APC2: variants seen among roughly 807,000 people sequenced by gnomAD.
The protein encoded by APC2 is adenomatous polyposis coli protein 2.
Under a neutral mutation model 72.5 loss-of-function variants are expected in APC2, and 41 were observed. That is an observed-to-expected ratio of 0.57 (90% CI 0.44 to 0.73). The LOEUF (loss-of-function observed/expected upper bound fraction) is 0.73. APC2 is among the 30% of genes least tolerant of loss of function. APC2 has a pLI of 0.00. For synonymous variants in APC2, 1,898 were observed against 1,612.0 expected, an observed-to-expected ratio of 1.18 and a Z score of -4.25; for missense variants, 3,729 against 3,403.4, an observed-to-expected ratio of 1.10 and a Z score of -2.38.
chr19:1,462,970 TAAA>T (rs542373416), intron 14 of APC2, among the ~76,000 whole-genome samples: 1 of 118,166 alleles, frequency 8.5e-6, no homozygotes, highest in African/African-American at 2.9e-5. Flanking sequence ...GATTCCGTCT[TAAA>T]AAAAAAAAAA....
Position 1,466,378 on chromosome 19 carries a change from G to A in APC2, c.3077G>A (p.Arg1026Gln), listed in dbSNP as rs1158880317. The A allele has an allele frequency of 1.5e-5, 24 of 1,587,654 alleles. No individual in the cohort carries two copies. The highest frequency in any genetic ancestry group is 1.9e-5 in the Non-Finnish European group (22 of 1,171,710). Residue 1026 changes from arginine (R) to glutamine (Q), a missense_variant, in exon 15 of 15, where the codon CGG becomes CAG. Coordinates refer to ENST00000590469, the MANE Select transcript of APC2 (RefSeq NM_005883.3). Reference sequence around the variant, plus strand: ...GGGCCTGGAATCTCTCCAGGGGCCCGGAAGCAGGCCTGGCTGCCGGCAGAC... The same window carrying A: ...GGGCCTGGAATCTCTCCAGGGGCCCAGAAGCAGGCCTGGCTGCCGGCAGAC... ...LAGPGISPGA[R>Q]KQAWLPADHL...
chr19:1,471,500 G>A lies in APC2; in HGVS notation c.*1287G>A, dbSNP rs1394375547. 1 of 152,274 alleles carries A rather than the reference G, an allele frequency of 6.6e-6. No individual in the cohort carries two copies. The highest frequency in any genetic ancestry group is 2.4e-5 in the African/African-American group (1 of 41,464). The allele number at this position is 152,274 out of a possible 1,614,324, so 9.4% of individuals were successfully genotyped here. A position where few individuals can be genotyped will look rare whatever the true frequency, so the allele number is the denominator to read the frequency against. ...CTCATCCCCTGGCGGGGGAGGCTGG[G>A]AGCTGGGCCTCCTGCGTGGGGTGGG... On this transcript the variant is annotated 3_prime_UTR_variant, in exon 15 of 15. Coordinates refer to ENST00000590469, the MANE Select transcript of APC2 (RefSeq NM_005883.3).
chr19:1,456,461 AG>A (rs2083829068), intron 8 of APC2, 57 bp downstream of exon 8: 1 of 1,480,566 alleles, frequency 6.8e-7, no homozygotes, highest in Non-Finnish European at 9.1e-7. Context: ...AAGGGGGATC[AG>A]GTCTGCATCC....
In APC2 at chr19:1,468,333, G is replaced by A. The variant is rs765766274; in HGVS notation, c.5032G>A (p.Ala1678Thr). The change falls in exon 15 of 15, where the codon GCC (alanine) becomes ACC (threonine). Residue 1678 changes from alanine (A) to threonine (T), a missense_variant. Coordinates refer to ENST00000590469, the MANE Select transcript of APC2 (RefSeq NM_005883.3). Reference sequence around the variant, plus strand: ...CGAGGAGGCAGCGGGCTCGGACCGGGCCTCCGACCTGGATAGCGTGGAGTG... The same window carrying A: ...CGAGGAGGCAGCGGGCTCGGACCGGACCTCCGACCTGGATAGCGTGGAGTG... ...RGEEAAGSDR[A>T]SDLDSVEWRA... The A allele has an allele frequency of 6.4e-7, 1 of 1,558,802 alleles. No individual in the cohort carries two copies. The highest frequency in any genetic ancestry group is 8.7e-7 in the Non-Finnish European group (1 of 1,152,792).
chr19:1,467,741 C>A lies in APC2; in HGVS notation c.4440C>A (p.Asp1480Glu). 3 of 1,436,780 alleles carry A rather than the reference C, an allele frequency of 2.1e-6. No homozygotes were observed. Among genetic ancestry groups the A allele is most frequent in the East Asian group, 2.7e-5 (1 of 36,368 alleles). The allele number at this position is 1,436,780 out of a possible 1,614,324, so 89.0% of individuals were successfully genotyped here. A position where few individuals can be genotyped will look rare whatever the true frequency, so the allele number is the denominator to read the frequency against. Residue 1480 changes from aspartate to glutamate, a missense_variant, in exon 15 of 15, where the codon GAC becomes GAA. Physicochemically the swap from Asp to Glu is conservative, Grantham distance 45. Transcript: ENST00000590469. ...GRPPSAPADKDGSKPGRTRGD... is the reference protein window; with the variant it reads ...GRPPSAPADKEGSKPGRTRGD... ...CCCCGAGCGCCCCCGCAGACAAGGA[C>A]GGCTCAAAGCCCGGCCGGACCCGCG...
In APC2 at chr19:1,452,630, CTGTG is replaced by C. The variant is rs1458788489; in HGVS notation, c.-18-350_-18-347del. On this transcript the variant is annotated intron_variant, in intron 1 of 14. Coordinates refer to ENST00000590469, the MANE Select transcript of APC2 (RefSeq NM_005883.3). The surrounding 1 kb of genome is among the most constrained non-coding windows in gnomAD (Gnocchi z 5.1). ...TGCTGGGTTAGGCTGTCCCAGCTGT[CTGTG>C]TGTTTGTCCGGCTGTCAGGATGTGT... The C allele has an allele frequency of 8.8e-6, 2 of 228,516 alleles. No individual in the cohort carries two copies. The highest frequency in any genetic ancestry group is 4.6e-5 in the African/African-American group (2 of 43,888). The allele number at this position is 228,516 out of a possible 1,614,324, so 14.2% of individuals were successfully genotyped here. A position where few individuals can be genotyped will look rare whatever the true frequency, so the allele number is the denominator to read the frequency against.
In APC2 at chr19:1,466,732, C is replaced by A. The variant is rs763586238; in HGVS notation, c.3431C>A (p.Pro1144Gln). 6 of 1,540,102 alleles carry A rather than the reference C, an allele frequency of 3.9e-6. No individual in the cohort carries two copies. In the East Asian group the frequency reaches 1.5e-4, roughly 38 times the overall value. The change falls in exon 15 of 15, where the codon CCG becomes CAG. Residue 1144 changes from proline (P) to glutamine (Q), a missense_variant. Physicochemically the swap from Pro to Gln is moderately conservative, Grantham distance 76 (BLOSUM62 -1). Coordinates refer to ENST00000590469, the MANE Select transcript of APC2 (RefSeq NM_005883.3). ...GRGLGVEDATPSSSSENYVQE... is the reference protein window; with the variant it reads ...GRGLGVEDATQSSSSENYVQE... Reference sequence around the variant, plus strand: ...GGCCTGGGGGTGGAAGACGCCACGCCGTCCAGCTCGTCGGAGAACTACGTG... The same window carrying A: ...GGCCTGGGGGTGGAAGACGCCACGCAGTCCAGCTCGTCGGAGAACTACGTG...
Position 1,468,067 on chromosome 19 carries a change from C to A in APC2, c.4766C>A (p.Pro1589His). The A allele has an allele frequency of 6.4e-7, 1 of 1,567,968 alleles. No individual in the cohort carries two copies. Among genetic ancestry groups the A allele is most frequent in the Non-Finnish European group, 8.6e-7 (1 of 1,166,670 alleles). ...TCCTCCGCCAGCTCCCTCAGCGAGC[C>A]CGAGCCCTCGGAGCCGCCGGCCGTC... ...LSSSASSLSEPEPSEPPAVHP... is the reference protein window; with the variant it reads ...LSSSASSLSEHEPSEPPAVHP... Residue 1589 changes from proline to histidine, a missense_variant, in exon 15 of 15, where the codon CCC (proline) becomes CAC (histidine). Physicochemically the swap from Pro to His is moderately conservative, Grantham distance 77. Coordinates refer to ENST00000590469, the MANE Select transcript of APC2 (RefSeq NM_005883.3).
At chr19:1,453,761 C>G in intron 4 of APC2, 150 bp downstream of exon 4, 1 of 1,120,194 alleles carries the variant, frequency 8.9e-7, no homozygotes, top group Non-Finnish European at 1.2e-6. Context: ...ACCGAACAAC[C>G]CCGCCCACCT....
At position 1,462,119 on chromosome 19, in the gene APC2, A is replaced by AGCG; in HGVS notation, c.1804_1806dup (p.Gly602dup). The AGCG allele has an allele frequency of 6.2e-7, 1 of 1,612,536 alleles. No individual in the cohort carries two copies. Among genetic ancestry groups the AGCG allele is most frequent in the Non-Finnish European group, 8.5e-7 (1 of 1,179,932 alleles). On this transcript the variant is annotated inframe_insertion, in exon 14 of 15. Coordinates refer to ENST00000590469, the MANE Select transcript of APC2 (RefSeq NM_005883.3). Reference sequence around the variant, plus strand: ...GAGCAACTCGCTGGCCATCATCGAGAGCGGCGGCGGCATCCTCCGCAATGT... The same window carrying AGCG: ...GAGCAACTCGCTGGCCATCATCGAGAGCGGCGGCGGCGGCATCCTCCGCAATGT...
chr19:1,455,066 A>T, intron 4 of APC2, 83 bp from the exon 5 acceptor site: 1 of 807,852 alleles, frequency 1.2e-6, no homozygotes, highest in Non-Finnish European at 1.8e-6. Flanking sequence ...GCATACAGTA[A>T]GCGCTAACAA....
chr19:1,453,193 C>G (rs375278949), intron 2 of APC2, 51 bp downstream of exon 2: 833 of 1,567,356 alleles, frequency 5.3e-4, no homozygotes, highest in Non-Finnish European at 6.6e-4. Flanking sequence ...TGGTGCCCCC[C>G]GGCAGCCCAG....
chr19:1,466,731 CCGTCCAGCT>C lies in APC2; in HGVS notation c.3435_3443del (p.Ser1146_Ser1148del). ...GGGCCTGGGGGTGGAAGACGCCACGCCGTCCAGCTCGTCGGAGAACTACGTGCAGGAGAC... is the reference window on the plus strand; with the variant it reads ...GGGCCTGGGGGTGGAAGACGCCACGCCGTCGGAGAACTACGTGCAGGAGAC... On this transcript the variant is annotated inframe_deletion, in exon 15 of 15. Coordinates refer to ENST00000590469, the MANE Select transcript of APC2 (RefSeq NM_005883.3). 1 of 1,540,158 alleles carries C rather than the reference CCGTCCAGCT, an allele frequency of 6.5e-7. No individual in the cohort carries two copies.
rs1435349480 is a variant in APC2 at position 1,468,155 on chromosome 19, C to G, written c.4854C>G (p.Ser1618Arg). The G allele has an allele frequency of 2.0e-6, 3 of 1,465,526 alleles. No homozygotes were observed. The Admixed American group carries it at 7.6e-5, about 37-fold the overall frequency. 90.8% of individuals were successfully genotyped at this position (1,465,526 alleles called of 1,614,324 possible). A position where few individuals can be genotyped will look rare whatever the true frequency, so the allele number is the denominator to read the frequency against. ...KDPGPGGGRD[S>R]SPSPRAAEEL... ...CGGGCCCAGGAGGCGGACGCGACAGCTCGCCCAGCCCGCGGGCCGCGGAGG... is the reference window on the plus strand; with the variant it reads ...CGGGCCCAGGAGGCGGACGCGACAGGTCGCCCAGCCCGCGGGCCGCGGAGG... The change falls in exon 15 of 15, where the codon AGC becomes AGG. Residue 1618 changes from serine (S) to arginine (R), a missense_variant. Transcript: ENST00000590469.
chr19:1,469,568 C>T lies in APC2; in HGVS notation c.6267C>T (p.Pro2089=), dbSNP rs1217512675. The T allele has an allele frequency of 9.7e-6, 12 of 1,242,742 alleles. No homozygotes were observed. The highest frequency in any genetic ancestry group is 3.2e-4 in the Middle Eastern group (1 of 3,078). The allele number at this position is 1,242,742 out of a possible 1,614,324, so 77.0% of individuals were successfully genotyped here. A position where few individuals can be genotyped will look rare whatever the true frequency, so the allele number is the denominator to read the frequency against. Residue 2089 remains proline (P), a synonymous_variant, in exon 15 of 15, where the codon CCC becomes CCT. Coordinates refer to ENST00000590469, the MANE Select transcript of APC2 (RefSeq NM_005883.3). ...CGTCCCGCCTGCCTGTGCGCGCGCC[C>T]GCCGCCCGGCCGGAGACTGTCAAGC... ...ESPSRLPVRA[P]AARPETVKRY...
chr19:1,466,204 AC>A lies in APC2; in HGVS notation c.2905del (p.Asp970ThrfsTer67). On this transcript the variant is annotated frameshift_variant, in exon 15 of 15. Transcript: ENST00000590469. LOFTEE classifies it low-confidence loss of function (END_TRUNC). ...GGGCAGCCTCGGCCCAGCCGGCTTG[AC>A]CTTGACCTGCCCGGCTGCCAGGCCG... ...RCGQPRPSRL[D>X]LDLPGCQAEP... 6.4e-7 allele frequency: 1 copy of A among 1,559,522 alleles called. No homozygotes were observed.
In APC2 at chr19:1,469,158, CCCAGGGGCCGGGCG is replaced by C; in HGVS notation, c.5858_5871del (p.Pro1953ArgfsTer195). ...GGCTCGGGCAGTCCCGGAGCCGGGC[CCCAGGGGCCGGGCG>C]GGGACCGAGGCGGGCCCGGGGGCGC... On this transcript the variant is annotated frameshift_variant, in exon 15 of 15. Transcript: ENST00000590469. LOFTEE classifies it low-confidence loss of function (END_TRUNC). 1 of 1,280,952 alleles carries C rather than the reference CCCAGGGGCCGGGCG, an allele frequency of 7.8e-7. No homozygotes were observed. The highest frequency in any genetic ancestry group is 9.9e-7 in the Non-Finnish European group (1 of 1,013,932). 79.3% of individuals were successfully genotyped at this position (1,280,952 alleles called of 1,614,324 possible).
chr19:1,467,159 C>G lies in APC2; in HGVS notation c.3858C>G (p.His1286Gln), dbSNP rs1184330181. The part of the protein sequence containing the change: ...SSLSALALHE[H>Q]YVQQDVELRL... ...TCAGCGCGCTGGCCTTGCACGAGCA[C>G]TACGTGCAGCAGGACGTGGAGCTGC... is the stretch of plus-strand genomic sequence containing the variant. The change falls in exon 15 of 15, where the codon CAC (histidine) becomes CAG (glutamine). Residue 1286 changes from histidine to glutamine, a missense_variant. Physicochemically the swap from His to Gln is conservative, Grantham distance 24 (BLOSUM62 0). Transcript: ENST00000590469. 6.4e-7 allele frequency: 1 copy of G among 1,555,796 alleles called. No homozygotes were observed.
At position 1,469,951 on chromosome 19, in the gene APC2, C is replaced by T. The variant is rs2084105085; in HGVS notation, c.6650C>T (p.Ala2217Val). The change falls in exon 15 of 15, where the codon GCC becomes GTC. Residue 2217 changes from alanine (A) to valine (V), a missense_variant. Coordinates refer to ENST00000590469, the MANE Select transcript of APC2 (RefSeq NM_005883.3). ...PSLETREPPG[A>V]PAGGQLSLLG... ...CTGGAGACCAGGGAGCCCCCCGGGGCCCCCGCCGGCGGCCAGCTCTCCCTC... is the reference window on the plus strand; with the variant it reads ...CTGGAGACCAGGGAGCCCCCCGGGGTCCCCGCCGGCGGCCAGCTCTCCCTC... 1.5e-5 allele frequency: 22 copies of T among 1,511,530 alleles called. No homozygotes were observed. Among genetic ancestry groups the T allele is most frequent in the Non-Finnish European group, 1.8e-5 (21 of 1,136,632 alleles). The allele number at this position is 1,511,530 out of a possible 1,614,324, so 93.6% of individuals were successfully genotyped here.
Sources: allele counts gnomAD v4.1 joint callset (sites outside exome capture counted in the v4.1 genomes callset), GRCh38; gene constraint gnomAD v4.1.1; non-coding constraint Gnocchi (gnomAD v3.1); transcripts MANE v1.5; gene names NCBI Gene and HGNC (gene_info 2026-07-23, HGNC 2026-07-21).